Variants in MGAT4C observed in about 807,000 individuals in gnomAD.
The protein encoded by MGAT4C is MGAT4 family member C.
MGAT4C carries 19 observed loss-of-function variants against 40.1 expected under a neutral mutation model. That is an observed-to-expected ratio of 0.47 (90% CI 0.33 to 0.70). MGAT4C has a LOEUF of 0.70. Among genes scored for constraint, MGAT4C ranks in the 30% least tolerant of loss-of-function variants. The probability of loss-of-function intolerance (pLI) is 0.02; values close to 1 mark genes in which losing one functional copy is unlikely to be tolerated. For missense variants in MGAT4C, 491 were observed against 563.2 expected (o/e 0.87, Z 1.30); for synonymous variants, 181 against 187.1 (o/e 0.97, Z 0.27).
At chr12:86,265,630 G>A (rs1348511696) in intron 4 of MGAT4C, among the ~76,000 whole-genome samples, 1 of 152,068 alleles carries the variant, frequency 6.6e-6, no homozygotes, top group Non-Finnish European at 1.5e-5. Flanking sequence ...GATCACTTTG[G>A]CCATTCAGGG....
intron 2 of MGAT4C, among the ~76,000 whole-genome samples, chr12:86,603,879 A>G (rs954508809): frequency 3.4e-5 from 5 of 148,702 alleles, no homozygotes; most frequent in Non-Finnish European, 7.4e-5. Context: ...AGTATATCTT[A>G]AGTACTTATG....
At chr12:86,723,311 T>C (rs773686353) in intron 2 of MGAT4C, among the ~76,000 whole-genome samples, 13 of 152,154 alleles carry the variant, frequency 8.5e-5, no homozygotes, top group Non-Finnish European at 1.0e-4. Context: ...GTTAAGATAA[T>C]GTGTTAGTTT....
chr12:86,465,613 A>G (rs1957669466), intron 2 of MGAT4C, among the ~76,000 whole-genome samples: 1 of 152,188 alleles, frequency 6.6e-6, no homozygotes, highest in Non-Finnish European at 1.5e-5. Flanking sequence ...CAGATGACAA[A>G]GAGCATATGA....
At chr12:86,357,081 C>T (rs951534201) in intron 3 of MGAT4C, among the ~76,000 whole-genome samples, 6 of 152,138 alleles carry the variant, frequency 3.9e-5, no homozygotes, top group Non-Finnish European at 5.9e-5. Flanking sequence ...CAGTAGGGGC[C>T]GACTGACACC....
intron 2 of MGAT4C, among the ~76,000 whole-genome samples, chr12:86,550,289 G>C (rs1264129399): frequency 6.6e-6 from 1 of 152,164 alleles, no homozygotes; most frequent in African/African-American, 2.4e-5. Flanking sequence ...GTGTGAGAAT[G>C]GACTAATACA....
At chr12:86,654,364 A>C (rs1319534344) in intron 2 of MGAT4C, among the ~76,000 whole-genome samples, 1 of 151,512 alleles carries the variant, frequency 6.6e-6, no homozygotes, top group Non-Finnish European at 1.5e-5. Context: ...CCTGACAACA[A>C]TCGAAATCAG....
intron 2 of MGAT4C, among the ~76,000 whole-genome samples, chr12:86,559,198 G>A (rs184249775): frequency 6.6e-5 from 10 of 152,058 alleles, no homozygotes; most frequent in Non-Finnish European, 1.0e-4. Flanking sequence ...AAGGGAGAGA[G>A]AGAATCTAAT....
At chr12:86,499,377 T>C (rs1295024588) in intron 2 of MGAT4C, among the ~76,000 whole-genome samples, 1 of 151,756 alleles carries the variant, frequency 6.6e-6, no homozygotes, top group Non-Finnish European at 1.5e-5. Flanking sequence ...TACACCTATA[T>C]ATATATTTCA....
At chr12:86,080,730 C>T (rs562500880) in intron 1 of MGAT4C, among the ~76,000 whole-genome samples, 1 of 151,514 alleles carries the variant, frequency 6.6e-6, no homozygotes, top group South Asian at 2.1e-4. Context: ...AATTAATAGG[C>T]ATGAAAGAAA....
At chr12:86,056,841 C>T (rs1893450900) in intron 1 of MGAT4C, among the ~76,000 whole-genome samples, 1 of 152,116 alleles carries the variant, frequency 6.6e-6, no homozygotes, top group Non-Finnish European at 1.5e-5. Context: ...CTAATTTACA[C>T]TCCCAACAGT....
intron 3 of MGAT4C, among the ~76,000 whole-genome samples, chr12:86,389,730 G>A (rs981812673): frequency 2.6e-5 from 4 of 152,230 alleles, no homozygotes; most frequent in African/African-American, 4.8e-5. Flanking sequence ...AAATTATTAT[G>A]TTTTACAGTA....
At chr12:86,032,128 G>A (rs563607316) in intron 2 of MGAT4C, among the ~76,000 whole-genome samples, 17 of 151,856 alleles carry the variant, frequency 1.1e-4, no homozygotes, top group African/African-American at 4.1e-4. Flanking sequence ...AAGATCCTGT[G>A]GTATATATCT....
intron 2 of MGAT4C, among the ~76,000 whole-genome samples, chr12:86,604,548 T>C (rs557233036): frequency 6.6e-6 from 1 of 152,216 alleles, no homozygotes; most frequent in African/African-American, 2.4e-5. Context: ...ATAAAGTTAT[T>C]CCCCTCTATC....
intron 2 of MGAT4C, among the ~76,000 whole-genome samples, chr12:86,577,780 G>A (rs774820571): frequency 5.3e-5 from 8 of 151,548 alleles, no homozygotes; most frequent in Non-Finnish European, 1.0e-4. Context: ...TTCTTTTTGG[G>A]GAGGGTGTTT....
chr12:86,472,493 C>T (rs1409419490), intron 2 of MGAT4C, among the ~76,000 whole-genome samples: 2 of 152,018 alleles, frequency 1.3e-5, no homozygotes, highest in African/African-American at 2.4e-5. Flanking sequence ...AATTAAAAGT[C>T]TATATTCATT....
At chr12:85,980,886 A>G (rs920506482) in intron 4 of MGAT4C, among the ~76,000 whole-genome samples, 5 of 152,130 alleles carry the variant, frequency 3.3e-5, no homozygotes, top group Non-Finnish European at 7.4e-5. Flanking sequence ...AACTAGTTTC[A>G]AATGATACAA....
intron 3 of MGAT4C, among the ~76,000 whole-genome samples, chr12:86,406,723 A>C (rs1426213029): frequency 5.3e-5 from 8 of 152,024 alleles, no homozygotes; most frequent in African/African-American, 1.7e-4. Context: ...AAAAAAAAAA[A>C]CTAAATGTGC....
At chr12:86,423,378 C>T (rs1313039470) in intron 3 of MGAT4C, among the ~76,000 whole-genome samples, 2 of 151,358 alleles carry the variant, frequency 1.3e-5, no homozygotes, top group Non-Finnish European at 2.9e-5. Flanking sequence ...CATGTAAGTG[C>T]TCCATTTAAA....
At position 86,706,705 on chromosome 12, in the gene MGAT4C, C is replaced by T. The variant is rs1950465749; in HGVS notation, c.-229+20504G>A. The stretch of plus-strand genomic sequence containing the variant: ...TAAATTATGAATTGCCCTAGAATCC[C>T]CAAATGGCACAAGGGAAAAACAAAA... On this transcript the variant is annotated intron_variant, in intron 2 of 7. Coordinates refer to the MGAT4C transcript ENST00000548651. Among the ~76,000 whole-genome samples, 2 of 152,094 alleles carry T rather than the reference C, an allele frequency of 1.3e-5. 1 individual carries two copies. Among genetic ancestry groups the T allele is most frequent in the South Asian group, 4.1e-4 (2 of 4,830 alleles).
Sources: allele counts gnomAD v4.1 joint callset (sites outside exome capture counted in the v4.1 genomes callset), GRCh38; gene constraint gnomAD v4.1.1; transcripts MANE v1.5; gene names NCBI Gene and HGNC (gene_info 2026-07-23, HGNC 2026-07-21).